Variants in PDE4B observed in about 807,000 individuals in gnomAD.
PDE4B encodes the protein phosphodiesterase 4B, also known as 3',5'-cyclic-AMP phosphodiesterase 4B.
In PDE4B, 20 loss-of-function variants were observed where a neutral mutation model predicts 82.2. That is an observed-to-expected ratio of 0.24 (90% CI 0.17 to 0.35). The LOEUF (loss-of-function observed/expected upper bound fraction) is 0.35. Among genes scored for constraint, PDE4B ranks in the 10% least tolerant of loss-of-function variants. The pLI, the probability that PDE4B is intolerant of heterozygous loss-of-function variation, is 1.00. For synonymous variants in PDE4B, 320 were observed against 318.9 expected, an observed-to-expected ratio of 1.00 and a Z score of -0.04; for missense variants, 655 against 907.2, an observed-to-expected ratio of 0.72 and a Z score of 3.57.
At chr1:66,339,894 G>A (rs1385377576) in intron 8 of PDE4B, among the ~76,000 whole-genome samples, 1 of 148,352 alleles carries the variant, frequency 6.7e-6, no homozygotes, top group Non-Finnish European at 1.5e-5. Flanking sequence ...AGGCTCCTAG[G>A]TTGTATGCCA....
At chr1:66,040,055 A>G (rs1187655205) in intron 3 of PDE4B, among the ~76,000 whole-genome samples, 1 of 152,024 alleles carries the variant, frequency 6.6e-6, no homozygotes, top group African/African-American at 2.4e-5. Flanking sequence ...AACCTTCATG[A>G]TGGAGGATAG....
Position 66,372,771 on chromosome 1 carries a change from C to T in PDE4B, c.*93C>T, listed in dbSNP as rs1302369284. 50 of 1,348,862 alleles carry T rather than the reference C, an allele frequency of 3.7e-5. No individual in the cohort carries two copies. The highest frequency in any genetic ancestry group is 4.8e-5 in the Non-Finnish European group (47 of 980,368). 83.6% of individuals were successfully genotyped at this position (1,348,862 alleles called of 1,614,324 possible). A position where few individuals can be genotyped will look rare whatever the true frequency, so the allele number is the denominator to read the frequency against. ...CCCACCATGGGGGCCAAGACCTGCA[C>T]AGGACAAGGGCCACCTGGCCTTTCA... On this transcript the variant is annotated 3_prime_UTR_variant, in exon 17 of 17. Coordinates refer to ENST00000341517, the MANE Select transcript of PDE4B (RefSeq NM_002600.4).
rs144078856 is a variant in PDE4B at position 66,249,226 on chromosome 1, C to A, written c.476+1572C>A. Among the ~76,000 whole-genome samples, 5 of 152,288 alleles carry A rather than the reference C, an allele frequency of 3.3e-5. No individual in the cohort carries two copies. In the East Asian group the frequency reaches 9.6e-4, roughly 29 times the overall value. On this transcript the variant is annotated intron_variant, in intron 4 of 16. Transcript: ENST00000341517. Reference sequence around the variant, plus strand: ...TTTGAATGCAAAGATATTGGGAATTCTTTCCTTCACCAAGATAAACACCTT... The same window carrying A: ...TTTGAATGCAAAGATATTGGGAATTATTTCCTTCACCAAGATAAACACCTT...
intron 3 of PDE4B, among the ~76,000 whole-genome samples, chr1:66,093,430 G>A (rs997458887): frequency 1.3e-5 from 2 of 152,004 alleles, no homozygotes; most frequent in African/African-American, 4.8e-5. Flanking sequence ...ATACCAGTGA[G>A]GCTGGGATTA....
chr1:66,137,006 C>CG (rs1453879004), intron 3 of PDE4B, among the ~76,000 whole-genome samples: 1 of 151,994 alleles, frequency 6.6e-6, no homozygotes, highest in Non-Finnish European at 1.5e-5. Flanking sequence ...GCTATCCTTG[C>CG]AAGGAAATCC....
At chr1:65,872,544 A>G (rs1261894678) in intron 1 of PDE4B, among the ~76,000 whole-genome samples, 1 of 152,196 alleles carries the variant, frequency 6.6e-6, no homozygotes, top group Non-Finnish European at 1.5e-5. Flanking sequence ...CTCAATGAAT[A>G]GATTGCCAAA....
intron 3 of PDE4B, among the ~76,000 whole-genome samples, chr1:65,962,814 G>A (rs1051524344): frequency 1.6e-4 from 24 of 152,210 alleles, no homozygotes; most frequent in African/African-American, 5.5e-4. Context: ...CCCAAAATTA[G>A]GGGGGCCATG....
intron 1 of PDE4B, among the ~76,000 whole-genome samples, chr1:65,825,143 G>T (rs904771825): frequency 6.6e-6 from 1 of 152,128 alleles, no homozygotes; most frequent in African/African-American, 2.4e-5. Flanking sequence ...TCTGGCCAAA[G>T]AAACTTAAGT....
At chr1:66,360,456 A>C (rs868804932) in intron 9 of PDE4B, 5 of 152,220 alleles carry the variant, frequency 3.3e-5, no homozygotes, top group Non-Finnish European at 7.3e-5. Context: ...CAAATCGTCT[A>C]GATCCCAGAA....
chr1:66,198,951 T>G (rs1648603244), intron 3 of PDE4B, among the ~76,000 whole-genome samples: 1 of 152,172 alleles, frequency 6.6e-6, no homozygotes, highest in Non-Finnish European at 1.5e-5. Context: ...CATCATTTTT[T>G]ATGGCTGCAT....
chr1:66,060,360 A>G (rs1023931656), intron 3 of PDE4B, among the ~76,000 whole-genome samples: 1 of 152,248 alleles, frequency 6.6e-6, no homozygotes, highest in African/African-American at 2.4e-5. Context: ...CATATTTAAA[A>G]TACATAGTAC....
intron 3 of PDE4B, among the ~76,000 whole-genome samples, chr1:66,164,846 T>C (rs1646697385): frequency 7.0e-6 from 1 of 143,662 alleles, no homozygotes; most frequent in Non-Finnish European, 1.5e-5. Flanking sequence ...GCAAGCAAGC[T>C]CCACCTCCCG....
intron 8 of PDE4B, among the ~76,000 whole-genome samples, chr1:66,347,104 C>T (rs1422332842): frequency 1.3e-5 from 2 of 152,150 alleles, no homozygotes; most frequent in Non-Finnish European, 2.9e-5. Context: ...GCTGAGGTCA[C>T]TGGTAAGGCA....
chr1:65,896,902 A>G (rs1038918465), intron 1 of PDE4B, among the ~76,000 whole-genome samples: 1 of 152,108 alleles, frequency 6.6e-6, no homozygotes, highest in Non-Finnish European at 1.5e-5. Flanking sequence ...TCAAAAGCAG[A>G]GTTATGTAAG....
intron 3 of PDE4B, among the ~76,000 whole-genome samples, chr1:65,987,052 A>G (rs749547629): frequency 2.0e-5 from 3 of 152,174 alleles, no homozygotes; most frequent in African/African-American, 4.8e-5. Flanking sequence ...ACGAAATAAG[A>G]GAAGTACTGC....
chr1:66,017,550 C>T (rs1457107433), intron 3 of PDE4B, among the ~76,000 whole-genome samples: 1 of 152,142 alleles, frequency 6.6e-6, no homozygotes, highest in Non-Finnish European at 1.5e-5. Context: ...CATTTTCTTG[C>T]TAATTCAACT....
chr1:66,125,095 G>C (rs1645795283), intron 3 of PDE4B, among the ~76,000 whole-genome samples: 1 of 150,366 alleles, frequency 6.7e-6, no homozygotes. Context: ...AGTCCATACT[G>C]ATATTTCTTT....
chr1:66,204,413 G>A (rs958865924), intron 3 of PDE4B, among the ~76,000 whole-genome samples: 2 of 152,230 alleles, frequency 1.3e-5, no homozygotes, highest in Non-Finnish European at 2.9e-5. Flanking sequence ...GGTTACTGCT[G>A]TCTTTTTGTT....
intron 12 of PDE4B, 131 bp downstream of exon 12, chr1:66,363,702 A>C: frequency 1.5e-6 from 1 of 647,674 alleles, no homozygotes. Context: ...GCTTGAGCCC[A>C]GGGGTTCAAG....
Sources: allele counts gnomAD v4.1 joint callset (sites outside exome capture counted in the v4.1 genomes callset), GRCh38; gene constraint gnomAD v4.1.1; transcripts MANE v1.5; gene names NCBI Gene and HGNC (gene_info 2026-07-23, HGNC 2026-07-21).